The following GULP1 variants were observed in gnomAD, a reference collection of about 807,000 sequenced individuals.
The protein encoded by GULP1 is PTB domain-containing engulfment adapter protein 1.
In GULP1, 19 loss-of-function variants were observed where a neutral mutation model predicts 40.9. The observed-to-expected ratio is 0.46, with a 90% confidence interval of 0.32 to 0.68. The LOEUF is 0.68. Ranked by LOEUF, GULP1 falls within the 30% of genes least tolerant of loss-of-function variation. GULP1 has a pLI of 0.03. For missense variants in GULP1, 312 were observed against 362.2 expected (o/e 0.86, Z 1.12); for synonymous variants, 119 against 117.6 (o/e 1.01, Z -0.08).
intron 1 of GULP1, among the ~76,000 whole-genome samples, chr2:188,354,382 A>C (rs1052409977): frequency 6.6e-6 from 1 of 152,194 alleles, no homozygotes; most frequent in Admixed American, 6.5e-5. Flanking sequence ...GGAGCAGGGT[A>C]GACTAGAACA....
chr2:188,317,091 A>G (rs1574359331), intron 1 of GULP1, among the ~76,000 whole-genome samples: 1 of 152,294 alleles, frequency 6.6e-6, no homozygotes, highest in Non-Finnish European at 1.5e-5. Context: ...ATCGGTTTTT[A>G]TCTCATAGAC....
At chr2:188,452,499 A>T (rs1190808541) in intron 2 of GULP1, among the ~76,000 whole-genome samples, 7 of 152,356 alleles carry the variant, frequency 4.6e-5, no homozygotes, top group African/African-American at 1.7e-4. Flanking sequence ...CATCTTATTT[A>T]AGAATATTTT....
chr2:188,464,478 C>T (rs1475718503), intron 2 of GULP1, among the ~76,000 whole-genome samples: 1 of 152,198 alleles, frequency 6.6e-6, no homozygotes, highest in Non-Finnish European at 1.5e-5. Context: ...CACTGGTTCT[C>T]ACCTAAGGCC....
intron 1 of GULP1, among the ~76,000 whole-genome samples, chr2:188,370,603 T>C (rs549298804): frequency 6.8e-4 from 104 of 152,314 alleles, no homozygotes; most frequent in African/African-American, 2.4e-3. Context: ...ATACTGGGAA[T>C]TAAACTTACT....
chr2:188,391,756 G>A (rs2050556522), intron 2 of GULP1, among the ~76,000 whole-genome samples: 5 of 151,854 alleles, frequency 3.3e-5, no homozygotes, highest in Admixed American at 3.3e-4. Context: ...TGTGTTATAT[G>A]GCTTTTATTA....
chr2:188,399,634 G>A (rs2051825911), intron 2 of GULP1, among the ~76,000 whole-genome samples: 1 of 137,346 alleles, frequency 7.3e-6, no homozygotes, highest in Non-Finnish European at 1.5e-5. Flanking sequence ...TGGGAGGATT[G>A]CTTGAGGCCA....
At chr2:188,453,737 C>G (rs2059025730) in intron 2 of GULP1, among the ~76,000 whole-genome samples, 1 of 152,316 alleles carries the variant, frequency 6.6e-6, no homozygotes, top group South Asian at 2.1e-4. Context: ...CTCAACCTCA[C>G]TGCACTTCAT....
chr2:188,483,499 A>C lies in GULP1; in HGVS notation c.90+7A>C, dbSNP rs1419819875. ...CATTCCCTATAATGCAAAGGTAAAA[A>C]TAGTTCATTTATTATTTAATTTTAT... On this transcript the variant is annotated splice_region_variant and intron_variant, in intron 4 of 11. Coordinates refer to ENST00000409830, the MANE Select transcript of GULP1 (RefSeq NM_016315.4). 1 of 1,231,926 alleles carries C rather than the reference A, an allele frequency of 8.1e-7. No homozygotes were observed. The highest frequency in any genetic ancestry group is 2.4e-5 in the East Asian group (1 of 41,632). The allele number at this position is 1,231,926 out of a possible 1,614,324, so 76.3% of individuals were successfully genotyped here. A position where few individuals can be genotyped will look rare whatever the true frequency, so the allele number is the denominator to read the frequency against.
At chr2:188,522,093 A>G (rs1470004053) in intron 4 of GULP1, among the ~76,000 whole-genome samples, 1 of 152,168 alleles carries the variant, frequency 6.6e-6, no homozygotes, top group African/African-American at 2.4e-5. Context: ...AAACCAAACT[A>G]AAACAAAACC....
At chr2:188,308,848 G>T (rs1489145446) in intron 1 of GULP1, among the ~76,000 whole-genome samples, 2 of 152,084 alleles carry the variant, frequency 1.3e-5, no homozygotes, top group African/African-American at 2.4e-5. Context: ...CCCGAACCTT[G>T]TATGCATCAC....
rs1367429616 is a variant in GULP1 at position 188,529,321 on chromosome 2, ACT to A, written c.261+129_261+130del. The A allele has an allele frequency of 7.8e-6, 4 of 511,792 alleles. No homozygotes were observed. The African/African-American group carries it at 8.1e-5, about 10-fold the overall frequency. The allele number at this position is 511,792 out of a possible 1,614,324, so 31.7% of individuals were successfully genotyped here. A position where few individuals can be genotyped will look rare whatever the true frequency, so the allele number is the denominator to read the frequency against. ...AGTTCTGAGTTAATGACAGTTCGAA[ACT>A]CTAGGAGTTTTAGAAGTGAAAACAA... On this transcript the variant is annotated intron_variant, in intron 6 of 11. Transcript: ENST00000409830.
chr2:188,337,552 A>G (rs1404985090), intron 1 of GULP1, among the ~76,000 whole-genome samples: 1 of 151,606 alleles, frequency 6.6e-6, no homozygotes, highest in Non-Finnish European at 1.5e-5. Flanking sequence ...AACAAGGCCC[A>G]TGCAATAAAT....
Position 188,594,012 on chromosome 2 carries a change from C to T in GULP1, c.*1C>T. On this transcript the variant is annotated 3_prime_UTR_variant, in exon 12 of 12. Transcript: ENST00000409830. Reference sequence around the variant, plus strand: ...CGACCCGTTAGACAGTAGGTGCTGACATCAAGAACAAGAAATCCTGATTCA... The same window carrying T: ...CGACCCGTTAGACAGTAGGTGCTGATATCAAGAACAAGAAATCCTGATTCA... 3.9e-6 allele frequency: 6 copies of T among 1,542,086 alleles called. No homozygotes were observed. The highest frequency in any genetic ancestry group is 5.4e-6 in the Non-Finnish European group (6 of 1,115,940).
intron 1 of GULP1, among the ~76,000 whole-genome samples, chr2:188,361,968 T>G (rs2046156671): frequency 6.6e-6 from 1 of 152,108 alleles, no homozygotes; most frequent in African/African-American, 2.4e-5. Context: ...ATGTTTTTTG[T>G]AAATACTGAG....
intron 1 of GULP1, among the ~76,000 whole-genome samples, chr2:188,368,348 A>G (rs1264709851): frequency 1.3e-5 from 2 of 152,112 alleles, no homozygotes; most frequent in Non-Finnish European, 2.9e-5. Context: ...TTGGGGGCAT[A>G]GGCGGGTGGA....
At chr2:188,542,923 A>C (rs990745925) in intron 7 of GULP1, among the ~76,000 whole-genome samples, 6 of 152,160 alleles carry the variant, frequency 3.9e-5, no homozygotes, top group East Asian at 1.9e-4. Context: ...CCATAGAAAT[A>C]AATTTCCTTA....
At chr2:188,440,482 T>A (rs1475486015) in intron 2 of GULP1, among the ~76,000 whole-genome samples, 1 of 152,206 alleles carries the variant, frequency 6.6e-6, no homozygotes, top group Non-Finnish European at 1.5e-5. Flanking sequence ...AACTTTGAAA[T>A]AACTCCTGTC....
chr2:188,503,567 A>G (rs933912787), intron 4 of GULP1, among the ~76,000 whole-genome samples: 4 of 151,950 alleles, frequency 2.6e-5, no homozygotes, highest in South Asian at 2.1e-4. Context: ...ACAATTCGAG[A>G]TAAGATTTGT....
At chr2:188,344,623 G>GA (rs1187960567) in intron 1 of GULP1, among the ~76,000 whole-genome samples, 1 of 152,134 alleles carries the variant, frequency 6.6e-6, no homozygotes. Flanking sequence ...TGACGGGAGA[G>GA]ACATTTCCAG....
Sources: allele counts gnomAD v4.1 joint callset (sites outside exome capture counted in the v4.1 genomes callset), GRCh38; gene constraint gnomAD v4.1.1; transcripts MANE v1.5; gene names NCBI Gene and HGNC (gene_info 2026-07-23, HGNC 2026-07-21).